Variants in IL1RAPL1 observed in about 807,000 individuals in gnomAD.
IL1RAPL1 encodes interleukin-1 receptor accessory protein-like 1.
In IL1RAPL1, 3 loss-of-function variants were observed where a neutral mutation model predicts 48.4. The ratio of observed to expected loss-of-function variants is 0.06; its 90% CI spans 0.03 to 0.16. IL1RAPL1 has a LOEUF of 0.16. IL1RAPL1 is among the 10% of genes least tolerant of loss of function. The pLI is 1.00. For synonymous variants in IL1RAPL1, 185 were observed against 187.7 expected (o/e 0.99, Z 0.12); for missense variants, 349 against 530.6 (o/e 0.66, Z 3.36).
At chrX:29,581,781 G>A (rs187508036) in intron 5 of IL1RAPL1, among the ~76,000 whole-genome samples, 34 of 110,972 alleles carry the variant, frequency 3.1e-4, no homozygotes, top group Admixed American at 8.7e-4. Context: ...GGGCAGTTCT[G>A]GCTGTTTAAT....
intron 1 of IL1RAPL1, among the ~76,000 whole-genome samples, chrX:28,717,672 A>G (rs1036045379): frequency 2.1e-4 from 23 of 111,883 alleles, no homozygotes; most frequent in African/African-American, 7.5e-4. Context: ...AAAATCGTTC[A>G]TGAGTCTTTA....
intron 6 of IL1RAPL1, among the ~76,000 whole-genome samples, chrX:29,801,311 G>A (rs1355602976): frequency 9.0e-6 from 1 of 111,095 alleles, no homozygotes; most frequent in Non-Finnish European, 1.9e-5. Context: ...TACATCACAT[G>A]GGTTTTTGAG....
intron 1 of IL1RAPL1, among the ~76,000 whole-genome samples, chrX:28,685,153 A>G (rs1347199578): frequency 1.8e-5 from 2 of 112,547 alleles, no homozygotes; most frequent in African/African-American, 6.5e-5. Flanking sequence ...GTTAACAAAA[A>G]TCAGCTACAA....
intron 6 of IL1RAPL1, among the ~76,000 whole-genome samples, chrX:29,802,631 TTTG>T (rs1370666104): frequency 9.6e-6 from 1 of 104,472 alleles, no homozygotes; most frequent in African/African-American, 3.4e-5. Context: ...ACAAAAGGAA[TTTG>T]TTAACTGGCT....
intron 2 of IL1RAPL1, among the ~76,000 whole-genome samples, chrX:29,198,210 T>C (rs1482791667): frequency 8.9e-6 from 1 of 111,943 alleles, no homozygotes. Context: ...AATCCTGTTC[T>C]TGGTCACAGT....
intron 6 of IL1RAPL1, among the ~76,000 whole-genome samples, chrX:29,738,508 T>C (rs1928111004): frequency 1.0e-5 from 1 of 100,244 alleles, no homozygotes; most frequent in South Asian, 4.8e-4. Flanking sequence ...GTGTATGGTG[T>C]GATCTCGGCT....
chrX:28,952,584 T>C (rs1490769954), intron 2 of IL1RAPL1, among the ~76,000 whole-genome samples: 1 of 111,228 alleles, frequency 9.0e-6, no homozygotes, highest in African/African-American at 3.3e-5. Context: ...TTTTTTCCAA[T>C]TGAAGAAAAT....
At chrX:29,620,339 G>A (rs1395583531) in intron 5 of IL1RAPL1, among the ~76,000 whole-genome samples, 1 of 111,369 alleles carries the variant, frequency 9.0e-6, no homozygotes, top group Non-Finnish European at 1.9e-5. Flanking sequence ...ATATGTTTTA[G>A]CCTACTGAAT....
chrX:28,878,788 G>A (rs1252738816), intron 2 of IL1RAPL1, among the ~76,000 whole-genome samples: 2 of 111,311 alleles, frequency 1.8e-5, no homozygotes, highest in African/African-American at 6.5e-5. Context: ...TAAAGCAATA[G>A]GGTCTAGCTA....
intron 2 of IL1RAPL1, among the ~76,000 whole-genome samples, chrX:29,150,099 A>T (rs1602082417): frequency 8.9e-6 from 1 of 112,530 alleles, no homozygotes; most frequent in South Asian, 3.7e-4. Flanking sequence ...GTATCAGAAA[A>T]TGCTTTTTTA....
chrX:29,562,114 T>TAATC (rs1922245843), intron 5 of IL1RAPL1, among the ~76,000 whole-genome samples: 2 of 55,785 alleles, frequency 3.6e-5, no homozygotes, highest in South Asian at 1.0e-3. Context: ...TCTATCTATC[T>TAATC]AATCTATCTA....
At chrX:29,639,361 C>G (rs998823603) in intron 5 of IL1RAPL1, among the ~76,000 whole-genome samples, 3 of 110,452 alleles carry the variant, frequency 2.7e-5, no homozygotes, top group Non-Finnish European at 5.7e-5. Context: ...AGTGTGTTCT[C>G]TTAGCTGGTT....
chrX:29,657,227 A>ATTTTTTTTTTTTTTTTTTTTTTTTTT (rs1925710462), intron 5 of IL1RAPL1, among the ~76,000 whole-genome samples: 1 of 111,793 alleles, frequency 8.9e-6, no homozygotes, highest in African/African-American at 3.2e-5. Flanking sequence ...ATAGGGCAGA[A>ATTTTTTTTTTTTTTTTTTTTTTTTTT]TTTTTCAACC....
intron 5 of IL1RAPL1, among the ~76,000 whole-genome samples, chrX:29,432,784 TCTC>T (rs1261104065): frequency 1.8e-5 from 2 of 111,609 alleles, no homozygotes; most frequent in African/African-American, 3.2e-5. Context: ...CCATAATACT[TCTC>T]CTTCTACTTT....
At chrX:29,319,857 AT>A (rs1932792314) in intron 3 of IL1RAPL1, among the ~76,000 whole-genome samples, 1 of 111,358 alleles carries the variant, frequency 9.0e-6, no homozygotes, top group Non-Finnish European at 1.9e-5. Flanking sequence ...AGTTTATGAC[AT>A]TTTAATTTAA....
At chrX:29,068,043 C>G (rs896192214) in intron 2 of IL1RAPL1, among the ~76,000 whole-genome samples, 1 of 111,377 alleles carries the variant, frequency 9.0e-6, no homozygotes, top group Non-Finnish European at 1.9e-5. Flanking sequence ...TAATGTATCT[C>G]TAGTATGATC....
intron 2 of IL1RAPL1, among the ~76,000 whole-genome samples, chrX:29,025,137 G>T (rs1177391633): frequency 1.8e-5 from 2 of 111,894 alleles, no homozygotes; most frequent in Non-Finnish European, 3.8e-5. Context: ...GCATGTTTCA[G>T]CACGTGTTTA....
chrX:29,768,526 T>TA (rs1381364161), intron 6 of IL1RAPL1, among the ~76,000 whole-genome samples: 1 of 111,748 alleles, frequency 8.9e-6, no homozygotes, highest in Non-Finnish European at 1.9e-5. Context: ...GTGTGCCTGG[T>TA]ACGTTACTGA....
At chrX:29,193,954 G>A (rs1357415788) in intron 2 of IL1RAPL1, among the ~76,000 whole-genome samples, 2 of 111,684 alleles carry the variant, frequency 1.8e-5, no homozygotes, top group Non-Finnish European at 3.8e-5. Flanking sequence ...CAAGTTAAAC[G>A]TTGAGGAAAG....
Sources: allele counts gnomAD v4.1 joint callset (sites outside exome capture counted in the v4.1 genomes callset), GRCh38; gene constraint gnomAD v4.1.1; transcripts MANE v1.5; gene names NCBI Gene and HGNC (gene_info 2026-07-23, HGNC 2026-07-21).